Variants in DCTN6 observed in about 807,000 individuals in gnomAD.
DCTN6 encodes the protein dynactin subunit 6.
Under a neutral mutation model 25.8 loss-of-function variants are expected in DCTN6, and 15 were observed. The ratio of observed to expected loss-of-function variants is 0.58; its 90% confidence interval spans 0.39 to 0.89. The LOEUF is 0.89. Ranked by LOEUF, DCTN6 falls within the 40% of genes least tolerant of loss-of-function variation. The pLI, the probability that DCTN6 is intolerant of heterozygous loss-of-function variation, is 0.00. For synonymous variants in DCTN6, 64 were observed against 78.3 expected (o/e 0.82, Z 0.96); for missense variants, 198 against 237.6 (o/e 0.83, Z 1.09).
At chr8:30,175,030 T>C in intron 2 of DCTN6, 55 bp from the exon 3 acceptor site, 1 of 1,538,538 alleles carries the variant, frequency 6.5e-7, no homozygotes, top group Non-Finnish European at 8.9e-7. Flanking sequence ...CCTTCCACCC[T>C]TCTGTTGGAA....
intron 1 of DCTN6, among the ~76,000 whole-genome samples, chr8:30,161,853 C>G (rs1304846226): frequency 2.0e-5 from 3 of 147,204 alleles, no homozygotes; most frequent in African/African-American, 5.0e-5. Context: ...GTTCACACCA[C>G]TCTCCTGCCT....
rs1417690615 is a variant in DCTN6 at position 30,183,194 on chromosome 8, A to G, written c.*21A>G. The G allele has an allele frequency of 6.2e-7, 1 of 1,602,564 alleles. No individual in the cohort carries two copies. ...ACTAAGAACAGTGTATAACATGAAG[A>G]TAACATTTTGTCTTTGACCACTGTC... On this transcript the variant is annotated 3_prime_UTR_variant, in exon 7 of 7. Coordinates refer to ENST00000221114, the MANE Select transcript of DCTN6 (RefSeq NM_006571.4).
At chr8:30,171,481 C>T (rs1456514281) in intron 2 of DCTN6, among the ~76,000 whole-genome samples, 1 of 152,180 alleles carries the variant, frequency 6.6e-6, no homozygotes, top group Non-Finnish European at 1.5e-5. Context: ...TGGTCTGGAA[C>T]TCGTGGCCTT....
chr8:30,173,527 G>A (rs117533721), intron 2 of DCTN6, among the ~76,000 whole-genome samples: 1,536 of 152,110 alleles, frequency 0.01, 36 homozygotes, highest in East Asian at 0.057. Flanking sequence ...GATTTCTTGA[G>A]GCCAAGTGTT....
chr8:30,171,784 A>C (rs909457709), intron 2 of DCTN6, among the ~76,000 whole-genome samples: 11 of 152,132 alleles, frequency 7.2e-5, no homozygotes, highest in African/African-American at 2.7e-4. Flanking sequence ...AATAGTGATA[A>C]ATCTCCCATT....
chr8:30,179,001 A>G (rs1254643242), intron 4 of DCTN6, among the ~76,000 whole-genome samples: 9 of 152,162 alleles, frequency 5.9e-5, no homozygotes, highest in African/African-American at 1.9e-4. Flanking sequence ...ATTTAAGTGA[A>G]CTGAATAAGC....
intron 2 of DCTN6, chr8:30,165,987 A>C (rs1803663873): frequency 6.6e-6 from 1 of 152,206 alleles, no homozygotes; most frequent in Non-Finnish European, 1.5e-5. Flanking sequence ...GTGTTTATGA[A>C]GCAAAATGAG....
chr8:30,158,332 T>C (rs1803553182), intron 1 of DCTN6, among the ~76,000 whole-genome samples: 1 of 152,204 alleles, frequency 6.6e-6, no homozygotes, highest in African/African-American at 2.4e-5. Flanking sequence ...GGCTAATGTA[T>C]TTGACCAGGG....
Position 30,175,099 on chromosome 8 carries a change from A to T in DCTN6, c.103A>T (p.Ile35Phe). The change falls in exon 3 of 7, where the codon ATC (isoleucine) becomes TTC (phenylalanine). Residue 35 changes from isoleucine to phenylalanine, a missense_variant. Transcript: ENST00000221114. ...ATTTTTAACAGGACCTCGGACAGTG[A>T]TCCACCCTAAAGCAAGAATTATTGC... ...GDVTIGPRTVIHPKARIIAEA... is the reference protein window; with the variant it reads ...GDVTIGPRTVFHPKARIIAEA... 1 of 1,614,150 alleles carries T rather than the reference A, an allele frequency of 6.2e-7. No individual in the cohort carries two copies. The highest frequency in any genetic ancestry group is 8.5e-7 in the Non-Finnish European group (1 of 1,180,016).
In DCTN6 at chr8:30,164,194, A is replaced by G. The variant is rs745525364; in HGVS notation, c.88+19A>G. 3.8e-6 allele frequency: 6 copies of G among 1,580,800 alleles called. No individual in the cohort carries two copies. In the East Asian group the frequency reaches 1.1e-4, roughly 29 times the overall value. On this transcript the variant is annotated intron_variant, in intron 2 of 6. Transcript: ENST00000221114. ...ACTATCGGTAAGAAATAGTTTATTT[A>G]CTGTTTTTCAAGAATTGATGTGATT...
intron 1 of DCTN6, among the ~76,000 whole-genome samples, chr8:30,157,848 A>G (rs1363100505): frequency 6.6e-6 from 1 of 152,238 alleles, no homozygotes; most frequent in Non-Finnish European, 1.5e-5. Flanking sequence ...TTTTTCTTCC[A>G]TTTAAGTAGA....
intron 3 of DCTN6, 170 bp from the exon 4 acceptor site, chr8:30,176,956 G>T: frequency 1.9e-6 from 1 of 522,234 alleles, no homozygotes; most frequent in Non-Finnish European, 3.4e-6. Flanking sequence ...CTGGGTGATA[G>T]AGTGAGATTC....
chr8:30,161,286 A>G (rs983371915), intron 1 of DCTN6, among the ~76,000 whole-genome samples: 1 of 151,672 alleles, frequency 6.6e-6, no homozygotes, highest in African/African-American at 2.4e-5. Context: ...AGTCAATTAA[A>G]CCTCTTTCCT....
chr8:30,172,208 A>G (rs1222823542), intron 2 of DCTN6, among the ~76,000 whole-genome samples: 2 of 152,264 alleles, frequency 1.3e-5, no homozygotes, highest in South Asian at 2.1e-4. Flanking sequence ...AAATGCCATT[A>G]TTAAGGGACC....
intron 4 of DCTN6, among the ~76,000 whole-genome samples, chr8:30,178,951 C>T (rs1046756848): frequency 2.1e-4 from 32 of 152,166 alleles, no homozygotes; most frequent in African/African-American, 7.0e-4. Context: ...GCCACCCTGC[C>T]TGGCCTAAAG....
At chr8:30,178,856 C>G (rs968699786) in intron 4 of DCTN6, among the ~76,000 whole-genome samples, 1 of 152,062 alleles carries the variant, frequency 6.6e-6, no homozygotes, top group Non-Finnish European at 1.5e-5. Flanking sequence ...GTGTCTCACT[C>G]TGTTGCCCAG....
intron 1 of DCTN6, among the ~76,000 whole-genome samples, chr8:30,159,073 C>T (rs1803563953): frequency 6.6e-6 from 1 of 152,144 alleles, no homozygotes; most frequent in African/African-American, 2.4e-5. Flanking sequence ...TGAGCCACTG[C>T]ACCTGGCCCA....
intron 1 of DCTN6, among the ~76,000 whole-genome samples, chr8:30,157,364 A>G (rs879649477): frequency 6.6e-6 from 1 of 152,126 alleles, no homozygotes; most frequent in Non-Finnish European, 1.5e-5. Flanking sequence ...TTGATTCCAT[A>G]CTTTGCTATT....
At chr8:30,156,687 CGG>C (rs11305860) in intron 1 of DCTN6, among the ~76,000 whole-genome samples, 3 of 151,024 alleles carry the variant, frequency 2.0e-5, no homozygotes, top group African/African-American at 7.3e-5. Flanking sequence ...GCCGGGAGGG[CGG>C]GGGGGGCTGT....
Sources: allele counts gnomAD v4.1 joint callset (sites outside exome capture counted in the v4.1 genomes callset), GRCh38; gene constraint gnomAD v4.1.1; transcripts MANE v1.5; gene names NCBI Gene and HGNC (gene_info 2026-07-23, HGNC 2026-07-21).